The following HNF4G variants were observed in gnomAD, a reference collection of about 807,000 sequenced individuals.
The protein encoded by HNF4G is hepatocyte nuclear factor 4 gamma.
HNF4G carries 21 observed loss-of-function variants against 50.9 expected under a neutral mutation model. The observed-to-expected ratio is 0.41, with a 90% CI of 0.29 to 0.59. The LOEUF (loss-of-function observed/expected upper bound fraction) is 0.59, where lower values mean the gene tolerates loss of function less well. Ranked by LOEUF, HNF4G falls within the 20% of genes least tolerant of loss-of-function variation. HNF4G has a pLI of 0.26. For synonymous variants in HNF4G, 198 were observed against 185.6 expected (o/e 1.07, Z -0.54); for missense variants, 527 against 559.4 (o/e 0.94, Z 0.58).
At chr8:75,493,176 C>A (rs1337951673) in intron 2 of HNF4G, among the ~76,000 whole-genome samples, 1 of 151,946 alleles carries the variant, frequency 6.6e-6, no homozygotes, top group Non-Finnish European at 1.5e-5. Flanking sequence ...AAGGGAAAAT[C>A]TCATCATTGG....
chr8:75,433,346 G>T (rs1301670695), intron 1 of HNF4G, among the ~76,000 whole-genome samples: 1 of 150,702 alleles, frequency 6.6e-6, no homozygotes, highest in East Asian at 2.0e-4. Flanking sequence ...TTTTGAGAGT[G>T]CAGTGAGCTT....
At chr8:75,537,669 T>C (rs956643656), upstream of HNF4G, among the ~76,000 whole-genome samples, 7 of 152,174 alleles carry the variant, frequency 4.6e-5, no homozygotes, top group African/African-American at 1.7e-4. Flanking sequence ...GTTCTAGAAT[T>C]TTTGCTTTGG....
chr8:75,463,013 T>A (rs2130610940), intron 1 of HNF4G, among the ~76,000 whole-genome samples: 1 of 151,864 alleles, frequency 6.6e-6, no homozygotes, highest in South Asian at 2.1e-4. Flanking sequence ...ATTCTGCTGC[T>A]CAATGTGCTC....
chr8:75,552,856 TA>T (rs1335097717), intron 4 of HNF4G, among the ~76,000 whole-genome samples, 185 bp from the exon 5 acceptor site: 1 of 152,106 alleles, frequency 6.6e-6, no homozygotes, highest in Non-Finnish European at 1.5e-5. Context: ...AACTTATAGG[TA>T]TTTTATTTTT....
intron 1 of HNF4G, among the ~76,000 whole-genome samples, chr8:75,414,115 A>G (rs1382080039): frequency 6.6e-6 from 1 of 152,134 alleles, no homozygotes; most frequent in Non-Finnish European, 1.5e-5. Context: ...CACAATGAAG[A>G]CAAAGAACAT....
rs1009949726 is a variant in HNF4G, at chr8:75,544,624, G to A, written c.287+645G>A. Among the ~76,000 whole-genome samples the A allele has an allele frequency of 5.6e-5, 8 of 143,470 alleles. No individual in the cohort carries two copies. The South Asian group carries it at 6.5e-4, about 12-fold the overall frequency. 94.1% of individuals were successfully genotyped at this position (143,470 alleles called of 152,430 possible). A position where few individuals can be genotyped will look rare whatever the true frequency, so the allele number is the denominator to read the frequency against. On this transcript the variant is annotated intron_variant, in intron 2 of 9. Transcript: ENST00000396423. ...TATTTAACTATATTATATTTGTCAC[G>A]CATTTCCAGTAGGCTGTTTTCTTGG...
chr8:75,495,355 TTATTA>T (rs1812741731), intron 2 of HNF4G: 1 of 152,074 alleles, frequency 6.6e-6, no homozygotes, highest in African/African-American at 2.4e-5. Context: ...TGGGAAGTTA[TTATTA>T]TATTAAAGAA....
At chr8:75,438,822 A>G (rs1811203451) in intron 1 of HNF4G, among the ~76,000 whole-genome samples, 1 of 152,078 alleles carries the variant, frequency 6.6e-6, no homozygotes, top group African/African-American at 2.4e-5. Context: ...ATTCTTTTTC[A>G]TAAAGATTAG....
At chr8:75,562,591 G>A (rs527716209) in intron 9 of HNF4G, among the ~76,000 whole-genome samples, 76 of 152,214 alleles carry the variant, frequency 5.0e-4, no homozygotes, top group African/African-American at 1.7e-3. Flanking sequence ...AAACATTGTA[G>A]GAATCAACTG....
At chr8:75,474,372 A>T (rs1055415327) in intron 1 of HNF4G, among the ~76,000 whole-genome samples, 18 of 152,168 alleles carry the variant, frequency 1.2e-4, no homozygotes, top group Non-Finnish European at 2.2e-4. Context: ...ATATGCCCTA[A>T]ATTTGTTTAA....
intron 1 of HNF4G, among the ~76,000 whole-genome samples, chr8:75,478,148 CAAAAAATTG>C (rs976494569): frequency 1.3e-5 from 2 of 151,752 alleles, no homozygotes; most frequent in Non-Finnish European, 2.9e-5. Context: ...CCCGTATCTA[CAAAAAATTG>C]AAAAAATTAA....
At chr8:75,499,656 T>C (rs181599417) in intron 2 of HNF4G, among the ~76,000 whole-genome samples, 209 of 152,054 alleles carry the variant, frequency 1.4e-3, no homozygotes, top group African/African-American at 4.7e-3. Context: ...GTACAGTAAT[T>C]AAAGCTGTAC....
At chr8:75,430,473 G>GGAGAGA (rs1284776832) in intron 1 of HNF4G, among the ~76,000 whole-genome samples, 166 of 113,002 alleles carry the variant, frequency 1.5e-3, no homozygotes, top group African/African-American at 5.7e-3. Flanking sequence ...GGGGTAGGGA[G>GGAGAGA]TAGAGAGAGA....
chr8:75,488,329 G>A (rs527313322), intron 1 of HNF4G, among the ~76,000 whole-genome samples: 15 of 152,100 alleles, frequency 9.9e-5, no homozygotes, highest in South Asian at 6.2e-4. Context: ...GGTGGAGTGC[G>A]GTGGCGTGTT....
chr8:75,489,669 G>T (rs772330331), intron 1 of HNF4G, among the ~76,000 whole-genome samples: 5 of 152,128 alleles, frequency 3.3e-5, no homozygotes, highest in Non-Finnish European at 5.9e-5. Context: ...ATTGTACATG[G>T]GGTCATACAC....
chr8:75,482,349 T>TCTCCC (rs1038790346), intron 1 of HNF4G, among the ~76,000 whole-genome samples: 1 of 151,944 alleles, frequency 6.6e-6, no homozygotes, highest in Admixed American at 6.6e-5. Context: ...TCTCTTCTCC[T>TCTCCC]CTCCCCTCCC....
chr8:75,503,528 T>A (rs145252266), intron 2 of HNF4G, among the ~76,000 whole-genome samples: 22 of 152,340 alleles, frequency 1.4e-4, no homozygotes, highest in African/African-American at 5.1e-4. Context: ...TTATCCATAG[T>A]GCTGTGATAA....
chr8:75,547,851 T>C (rs1036282316), intron 3 of HNF4G, among the ~76,000 whole-genome samples, 170 bp downstream of exon 3: 1 of 152,142 alleles, frequency 6.6e-6, no homozygotes, highest in East Asian at 1.9e-4. Flanking sequence ...GACATCCAGT[T>C]ATTGAGTGGT....
chr8:75,455,505 C>A (rs60593024), intron 1 of HNF4G, among the ~76,000 whole-genome samples: 2 of 152,058 alleles, frequency 1.3e-5, no homozygotes, highest in Non-Finnish European at 2.9e-5. Flanking sequence ...CAATCAATTG[C>A]CCCAACCTGG....
Sources: allele counts gnomAD v4.1 joint callset (sites outside exome capture counted in the v4.1 genomes callset), GRCh38; gene constraint gnomAD v4.1.1; transcripts MANE v1.5; gene names NCBI Gene and HGNC (gene_info 2026-07-23, HGNC 2026-07-21).